Variants in MYO16 observed in about 807,000 individuals in gnomAD.
MYO16 encodes the protein myosin XVI.
A neutral mutation model predicts 205.3 loss-of-function variants in MYO16; 94 were observed. The ratio of observed to expected loss-of-function variants is 0.46; its 90% CI spans 0.39 to 0.54. The LOEUF is 0.54. Ranked by LOEUF, MYO16 falls within the 20% of genes least tolerant of loss-of-function variation. The pLI, the probability that MYO16 is intolerant of heterozygous loss-of-function variation, is 0.00. For missense variants in MYO16, 2,315 were observed against 2,387.5 expected, an observed-to-expected ratio of 0.97 and a Z score of 0.63; for synonymous variants, 988 against 954.0, an observed-to-expected ratio of 1.04 and a Z score of -0.66.
the MYO16 span, among the ~76,000 whole-genome samples, chr13:108,559,517 AG>A: frequency 8.3e-6 from 1 of 120,114 alleles, no homozygotes; most frequent in African/African-American, 3.3e-5. Flanking sequence ...CTCTGTCGCC[AG>A]GCTGGAGTGC....
At chr13:108,608,380 C>A (rs1160860236) in intron 1 of MYO16, among the ~76,000 whole-genome samples, 1 of 152,100 alleles carries the variant, frequency 6.6e-6, no homozygotes, top group Non-Finnish European at 1.5e-5. Flanking sequence ...TGCCTAGGAG[C>A]CTTCCCCAAC....
At chr13:108,543,115 C>T in the MYO16 span, among the ~76,000 whole-genome samples, 1 of 151,722 alleles carries the variant, frequency 6.6e-6, no homozygotes, top group Admixed American at 6.6e-5. Flanking sequence ...AAGTCTTTCG[C>T]TAAAGAAAGT....
At chr13:109,022,322 CAAAT>C (rs1566466034) in intron 23 of MYO16, among the ~76,000 whole-genome samples, 7 of 114,218 alleles carry the variant, frequency 6.1e-5, no homozygotes, top group Non-Finnish European at 1.1e-4. Context: ...ATATTATATA[CAAAT>C]ATATATTTAT....
At chr13:108,941,552 C>G (rs1882721747) in intron 16 of MYO16, among the ~76,000 whole-genome samples, 1 of 151,762 alleles carries the variant, frequency 6.6e-6, no homozygotes, top group Admixed American at 6.6e-5. Flanking sequence ...TGGTGTGCAC[C>G]TGTAATCCCA....
chr13:109,042,588 A>G lies in MYO16; in HGVS notation c.2797-4328A>G, dbSNP rs1380331083. 2.6e-5 allele frequency among the ~76,000 whole-genome samples: 4 copies of G among 152,230 alleles called. No individual in the cohort carries two copies. The South Asian group carries it at 6.2e-4, about 24-fold the overall frequency. On this transcript the variant is annotated intron_variant, in intron 23 of 34. Transcript: ENST00000457511. ...GCCAATTTTATGTAACATGTTATCA[A>G]TTGTTTGCATTATTATGAAAAAATG...
chr13:109,195,449 A>G (rs1417798711), intron 34 of MYO16, among the ~76,000 whole-genome samples: 1 of 152,172 alleles, frequency 6.6e-6, no homozygotes, highest in East Asian at 1.9e-4. Context: ...TAAGCTTTTA[A>G]TCAAAGACTT....
chr13:108,973,919 C>A (rs1884152221), intron 20 of MYO16, among the ~76,000 whole-genome samples: 1 of 151,696 alleles, frequency 6.6e-6, no homozygotes, highest in South Asian at 2.1e-4. Flanking sequence ...ATAATTATAG[C>A]TTTGAAGAAT....
intron 34 of MYO16, among the ~76,000 whole-genome samples, chr13:109,204,967 A>G (rs1880539266): frequency 6.6e-6 from 1 of 152,188 alleles, no homozygotes; most frequent in Non-Finnish European, 1.5e-5. Flanking sequence ...CACTCTGCTG[A>G]GAGTAGAAGC....
chr13:108,549,618 T>C, the MYO16 span, among the ~76,000 whole-genome samples: 1 of 151,960 alleles, frequency 6.6e-6, no homozygotes, highest in East Asian at 1.9e-4. Flanking sequence ...TTATTAGATT[T>C]TATGTTAAAT....
In MYO16 at chr13:109,163,487, C is replaced by T. The variant is rs555661963; in HGVS notation, c.5165-1414C>T. Among the ~76,000 whole-genome samples, 6 of 146,364 alleles carry T rather than the reference C, an allele frequency of 4.1e-5. No homozygotes were observed. The East Asian group carries it at 1.2e-3, about 30-fold the overall frequency. ...TCCTTCCTTCCTTCCCTCCATCCCT[C>T]CCCACTCCCTCCTTCCCTCCCTCCC... On this transcript the variant is annotated intron_variant, in intron 32 of 34. Transcript: ENST00000457511.
chr13:108,815,596 C>G (rs796888057), intron 7 of MYO16, among the ~76,000 whole-genome samples: 33 of 152,292 alleles, frequency 2.2e-4, no homozygotes, highest in African/African-American at 7.0e-4. Context: ...GTAACCAGAG[C>G]CCTGGTGTCA....
At chr13:108,590,374 A>G in the MYO16 span, among the ~76,000 whole-genome samples, 3 of 152,142 alleles carry the variant, frequency 2.0e-5, no homozygotes, top group Non-Finnish European at 4.4e-5. Flanking sequence ...CCGAGTATTG[A>G]TATAATTTTG....
At chr13:108,920,489 A>G (rs973623054) in intron 16 of MYO16, among the ~76,000 whole-genome samples, 3 of 150,298 alleles carry the variant, frequency 2.0e-5, no homozygotes, top group Non-Finnish European at 4.4e-5. Context: ...ACAGAGTTTC[A>G]CTATTATCAC....
chr13:108,784,785 G>T (rs1886407883), intron 4 of MYO16, among the ~76,000 whole-genome samples: 1 of 152,142 alleles, frequency 6.6e-6, no homozygotes. Context: ...GAGGTGTGTG[G>T]GAAATCTTGG....
intron 22 of MYO16, among the ~76,000 whole-genome samples, chr13:109,009,726 G>A (rs1885528387): frequency 6.6e-6 from 1 of 152,164 alleles, no homozygotes; most frequent in African/African-American, 2.4e-5. Context: ...TGGAGAATAT[G>A]TCATTCTTTA....
At chr13:108,892,139 A>C (rs1252930008) in intron 14 of MYO16, among the ~76,000 whole-genome samples, 1 of 152,188 alleles carries the variant, frequency 6.6e-6, no homozygotes, top group African/African-American at 2.4e-5. Context: ...ATGCATAATT[A>C]GTTTTTTGAA....
chr13:109,140,912 G>A lies in MYO16; in HGVS notation c.4700G>A (p.Ser1567Asn). The A allele has an allele frequency of 6.3e-7, 1 of 1,576,610 alleles. No homozygotes were observed. Among genetic ancestry groups the A allele is most frequent in the Admixed American group, 1.8e-5 (1 of 56,180 alleles). ...CCGCTGTCCCCGCAGTACTCCAAGAGCCAGAAGGGCGACGGCGACAGGCCC... is the reference window on the plus strand; with the variant it reads ...CCGCTGTCCCCGCAGTACTCCAAGAACCAGAAGGGCGACGGCGACAGGCCC... The part of the protein sequence containing the change: ...SSPLSPQYSK[S>N]QKGDGDRPAS... The change falls in exon 32 of 35, where the codon AGC becomes AAC. Residue 1567 changes from serine to asparagine, a missense_variant. By Grantham distance (46) the Ser-to-Asn change is conservative. This residue lies in a region of MYO16 where 1,097 missense variants were observed against 1,092.0 expected (regional missense o/e 1.00). Coordinates refer to ENST00000457511, the MANE Select transcript of MYO16 (RefSeq NM_001198950.3). This position sits in a 1 kb window ranked among gnomAD's most constrained non-coding sequence, Gnocchi z 8.0.
chr13:109,174,319 G>C (rs548432049), intron 33 of MYO16, among the ~76,000 whole-genome samples: 2 of 152,096 alleles, frequency 1.3e-5, no homozygotes, highest in Admixed American at 6.5e-5. Flanking sequence ...TTTAGGCCAG[G>C]GTTCCAGGAT....
intron 27 of MYO16, among the ~76,000 whole-genome samples, chr13:109,067,460 T>C (rs1314584173): frequency 6.6e-6 from 1 of 152,158 alleles, no homozygotes; most frequent in East Asian, 1.9e-4. Flanking sequence ...TAAGGGTGTC[T>C]CTAACCACTA....
Sources: allele counts gnomAD v4.1 joint callset (sites outside exome capture counted in the v4.1 genomes callset), GRCh38; gene constraint gnomAD v4.1.1; regional missense constraint gnomAD v4.1.1; non-coding constraint Gnocchi (gnomAD v3.1); transcripts MANE v1.5; gene names NCBI Gene and HGNC (gene_info 2026-07-23, HGNC 2026-07-21).